CLVS1: variants seen among roughly 807,000 people sequenced by gnomAD.
CLVS1 encodes the protein clavesin-1.
Under a neutral mutation model 33.1 loss-of-function variants are expected in CLVS1, and 10 were observed. The observed-to-expected ratio is 0.30, with a 90% confidence interval of 0.19 to 0.51. CLVS1 has a LOEUF of 0.51. Ranked by LOEUF, CLVS1 falls within the 20% of genes least tolerant of loss-of-function variation. CLVS1 has a pLI of 0.97. For missense variants in CLVS1, 343 were observed against 433.4 expected (o/e 0.79, Z 1.85); for synonymous variants, 163 against 166.1 (o/e 0.98, Z 0.14).
At position 61,500,378 on chromosome 8, in the gene CLVS1, C is replaced by CAAAGA. The variant is rs749688893; in HGVS notation, c.*841_*845dup. ...AGTTGCCTCAACTGGGTCACTACAGCAAAGAAAAGTGCTATCAAACCATTT... is the reference window on the plus strand; with the variant it reads ...AGTTGCCTCAACTGGGTCACTACAGCAAAGAAAAGAAAAGTGCTATCAAACCATTT... On this transcript the variant is annotated 3_prime_UTR_variant, in exon 6 of 6. Coordinates refer to ENST00000325897, the MANE Select transcript of CLVS1 (RefSeq NM_173519.3). 3 of 152,054 alleles carry CAAAGA rather than the reference C, an allele frequency of 2.0e-5. No individual in the cohort carries two copies. The highest frequency in any genetic ancestry group is 4.4e-5 in the Non-Finnish European group (3 of 67,974). The allele number at this position is 152,054 out of a possible 1,614,324, so 9.4% of individuals were successfully genotyped here. A position where few individuals can be genotyped will look rare whatever the true frequency, so the allele number is the denominator to read the frequency against.
chr8:61,254,433 A>G (rs955421974), intron 2 of CLVS1, among the ~76,000 whole-genome samples: 2 of 151,678 alleles, frequency 1.3e-5, no homozygotes, highest in Admixed American at 6.6e-5. Context: ...GAGATCCACT[A>G]CTCTCTTCAA....
chr8:61,017,653 A>G, the CLVS1 span, among the ~76,000 whole-genome samples: 1 of 152,258 alleles, frequency 6.6e-6, no homozygotes, highest in African/African-American at 2.4e-5. Context: ...CTCCAGGTCC[A>G]GGGACAAAGA....
At chr8:61,228,238 A>C (rs2129311287) in intron 2 of CLVS1, among the ~76,000 whole-genome samples, 1 of 152,344 alleles carries the variant, frequency 6.6e-6, no homozygotes, top group Admixed American at 6.5e-5. Context: ...ATGCTTTGAA[A>C]TATGGATACA....
At chr8:61,052,800 A>T (rs1255995810), upstream of CLVS1, among the ~76,000 whole-genome samples, 1 of 152,140 alleles carries the variant, frequency 6.6e-6, no homozygotes, top group Non-Finnish European at 1.5e-5. Flanking sequence ...TGACAAGAGG[A>T]AGTCATTCTC....
chr8:61,134,098 A>C (rs1459181158), intron 2 of CLVS1, among the ~76,000 whole-genome samples: 1 of 152,182 alleles, frequency 6.6e-6, no homozygotes, highest in African/African-American at 2.4e-5. Flanking sequence ...CTGGGTGTAT[A>C]GTGGAGCCCC....
At chr8:61,353,356 C>T (rs762745821) in intron 2 of CLVS1, among the ~76,000 whole-genome samples, 1 of 151,848 alleles carries the variant, frequency 6.6e-6, no homozygotes, top group Non-Finnish European at 1.5e-5. Flanking sequence ...TTTGTCTGAC[C>T]ATAATGGAAT....
intron 5 of CLVS1, among the ~76,000 whole-genome samples, chr8:61,480,010 C>A (rs574625602): frequency 6.6e-6 from 1 of 152,218 alleles, no homozygotes; most frequent in Non-Finnish European, 1.5e-5. Flanking sequence ...GGTGCCTCCC[C>A]GTTAGGCTAC....
rs192795846 is a variant in CLVS1, at chr8:61,498,512, G to A, written c.978-943G>A. 2.6e-4 allele frequency among the ~76,000 whole-genome samples: 39 copies of A among 152,160 alleles called. 1 individual carries two copies. The highest frequency in any genetic ancestry group is 8.9e-4 in the African/African-American group (37 of 41,516). Reference sequence around the variant, plus strand: ...TGAACATTTATTAAATATCTACTGCGTAGCTCTTTTTATAACCTTTTCTCT... The same window carrying A: ...TGAACATTTATTAAATATCTACTGCATAGCTCTTTTTATAACCTTTTCTCT... On this transcript the variant is annotated intron_variant, in intron 5 of 5. Transcript: ENST00000325897.
At chr8:61,199,785 G>T (rs529331381) in intron 2 of CLVS1, among the ~76,000 whole-genome samples, 3 of 152,274 alleles carry the variant, frequency 2.0e-5, no homozygotes, top group South Asian at 2.1e-4. Context: ...AAGGGGCTTT[G>T]TCTCATCCCA....
At chr8:61,480,906 T>G (rs1273666640) in intron 5 of CLVS1, among the ~76,000 whole-genome samples, 3 of 152,028 alleles carry the variant, frequency 2.0e-5, no homozygotes, top group Non-Finnish European at 4.4e-5. Context: ...TATTCTTGGG[T>G]AGTGTGATCC....
intron 1 of CLVS1, among the ~76,000 whole-genome samples, chr8:61,097,543 T>A (rs1585608335): frequency 6.6e-6 from 1 of 152,198 alleles, no homozygotes; most frequent in East Asian, 1.9e-4. Flanking sequence ...CACAGGCTAT[T>A]TTGTGGTGGA....
intron 2 of CLVS1, among the ~76,000 whole-genome samples, chr8:61,207,360 T>TGCAGTGGTGCATGGGCTCCAGGGGATG (rs1807875203): frequency 6.1e-5 from 2 of 32,784 alleles, no homozygotes; most frequent in South Asian, 1.5e-3. Flanking sequence ...CTCCAGGGAT[T>TGCAGTGGTGCATGGGCTCCAGGGGATG]TGCAGCGGTG....
At chr8:61,120,143 C>G (rs1423974678) in intron 1 of CLVS1, among the ~76,000 whole-genome samples, 3 of 146,288 alleles carry the variant, frequency 2.1e-5, no homozygotes, top group African/African-American at 5.1e-5. Context: ...TCGCTGATAC[C>G]CTTTCTTCCA....
At chr8:61,425,518 TCA>T (rs1295520537) in intron 3 of CLVS1, among the ~76,000 whole-genome samples, 13 of 152,310 alleles carry the variant, frequency 8.5e-5, no homozygotes, top group South Asian at 2.1e-4. Flanking sequence ...TTTAGTGTAT[TCA>T]CAGAGTATTG....
chr8:61,262,652 G>T (rs1182800518), intron 2 of CLVS1, among the ~76,000 whole-genome samples: 1 of 152,156 alleles, frequency 6.6e-6, no homozygotes, highest in Admixed American at 6.5e-5. Context: ...TAGAGATTAG[G>T]CATCCTCCCT....
At chr8:61,232,325 C>T (rs950040407) in intron 2 of CLVS1, among the ~76,000 whole-genome samples, 10 of 152,026 alleles carry the variant, frequency 6.6e-5, no homozygotes, top group African/African-American at 1.9e-4. Context: ...CGTGAGCCAC[C>T]GCGCCTGGCC....
chr8:61,183,295 C>A (rs1449670744), intron 2 of CLVS1, among the ~76,000 whole-genome samples: 1 of 152,176 alleles, frequency 6.6e-6, no homozygotes, highest in East Asian at 1.9e-4. Flanking sequence ...GCATGTGCTG[C>A]ACATGTATCC....
At chr8:61,430,777 T>A (rs1281488227) in intron 3 of CLVS1, among the ~76,000 whole-genome samples, 1 of 152,176 alleles carries the variant, frequency 6.6e-6, no homozygotes, top group Admixed American at 6.5e-5. Flanking sequence ...GAAACTCTAA[T>A]GGACAGTGCA....
chr8:61,212,310 A>G (rs1426550740), intron 2 of CLVS1, among the ~76,000 whole-genome samples: 1 of 152,168 alleles, frequency 6.6e-6, no homozygotes, highest in Non-Finnish European at 1.5e-5. Flanking sequence ...ACGGCAACAG[A>G]GGTAGGCAGT....
Sources: gnomAD v4.1 joint callset for allele counts (sites outside exome capture counted in the v4.1 genomes callset) on GRCh38, gnomAD v4.1.1 for gene constraint, MANE v1.5 for transcripts, NCBI Gene and HGNC (gene_info 2026-07-23, HGNC 2026-07-21) for gene names.